Variants in DCLK2 observed in about 807,000 individuals in gnomAD.
DCLK2 encodes doublecortin like kinase 2, also known as serine/threonine-protein kinase DCLK2.
DCLK2 carries 31 observed loss-of-function variants against 78.4 expected under a neutral mutation model. That is an observed-to-expected ratio of 0.40 (90% confidence interval 0.30 to 0.53). The LOEUF (loss-of-function observed/expected upper bound fraction) is 0.53. Among genes scored for constraint, DCLK2 ranks in the 20% least tolerant of loss-of-function variants. The probability of loss-of-function intolerance (pLI) is 0.61; values close to 1 mark genes in which losing one functional copy is unlikely to be tolerated. For synonymous variants in DCLK2, 407 were observed against 374.9 expected (o/e 1.09, Z -0.99); for missense variants, 872 against 973.7 (o/e 0.90, Z 1.39).
At chr4:150,174,725 G>A (rs754002261) in intron 2 of DCLK2, among the ~76,000 whole-genome samples, 121 of 150,512 alleles carry the variant, frequency 8.0e-4, no homozygotes, top group Middle Eastern at 6.9e-3. Context: ...GGCTGGGCGC[G>A]GTGGCTCACA....
intron 7 of DCLK2, 119 bp downstream of exon 7, chr4:150,221,904 A>G (rs934371737): frequency 1.7e-6 from 1 of 602,622 alleles, no homozygotes; most frequent in Non-Finnish European, 2.7e-6. Flanking sequence ...GCCCTTCTGG[A>G]AAGTCTCTTT....
intron 2 of DCLK2, among the ~76,000 whole-genome samples, chr4:150,149,023 GT>G (rs1287589258): frequency 7.9e-6 from 1 of 125,864 alleles, no homozygotes; most frequent in Non-Finnish European, 1.7e-5. Flanking sequence ...GGGCGAAAGA[GT>G]GACAGACTGT....
At chr4:150,247,783 T>G (rs1054761796) in intron 13 of DCLK2, 84 bp downstream of exon 13, 9 of 1,063,208 alleles carry the variant, frequency 8.5e-6, no homozygotes, top group African/African-American at 1.6e-5. Flanking sequence ...CGCTAGGTAT[T>G]GCATTCCAGA....
intron 2 of DCLK2, among the ~76,000 whole-genome samples, chr4:150,165,446 T>A (rs563844666): frequency 3.4e-4 from 52 of 152,362 alleles, no homozygotes; most frequent in African/African-American, 1.2e-3. Flanking sequence ...ATTGGAAAAT[T>A]TGCTCCAATT....
At chr4:150,189,278 A>G (rs28388272) in intron 2 of DCLK2, among the ~76,000 whole-genome samples, 2,569 of 152,220 alleles carry the variant, frequency 0.017, 68 homozygotes, top group African/African-American at 0.059. Context: ...CCATTTAAGA[A>G]CCATTTATTG....
intron 2 of DCLK2, among the ~76,000 whole-genome samples, chr4:150,133,662 G>A (rs557590591): frequency 2.2e-4 from 34 of 152,348 alleles, no homozygotes; most frequent in African/African-American, 8.2e-4. Context: ...AATTAAACAT[G>A]AAATGTATAT....
chr4:150,163,917 C>T (rs1386899373), intron 2 of DCLK2, among the ~76,000 whole-genome samples: 3 of 152,164 alleles, frequency 2.0e-5, no homozygotes, highest in African/African-American at 4.8e-5. Context: ...TGGTTAAGGA[C>T]AGTACCAACC....
At chr4:150,161,578 G>C (rs551692613) in intron 2 of DCLK2, among the ~76,000 whole-genome samples, 5 of 152,254 alleles carry the variant, frequency 3.3e-5, no homozygotes, top group Non-Finnish European at 5.9e-5. Flanking sequence ...ACTCACAGAA[G>C]ATCTCTGGAA....
chr4:150,099,912 T>C (rs1270682771), intron 1 of DCLK2, among the ~76,000 whole-genome samples: 1 of 152,076 alleles, frequency 6.6e-6, no homozygotes, highest in African/African-American at 2.4e-5. Flanking sequence ...GTCTACAAGT[T>C]TGGTTTGTTT....
chr4:150,086,592 C>T (rs1483164740), intron 1 of DCLK2, among the ~76,000 whole-genome samples: 1 of 151,754 alleles, frequency 6.6e-6, no homozygotes, highest in Non-Finnish European at 1.5e-5. Context: ...CTGCAAGCTC[C>T]GCCTCCCGGG....
intron 2 of DCLK2, among the ~76,000 whole-genome samples, chr4:150,116,381 A>G (rs1441119858): frequency 6.6e-6 from 1 of 152,220 alleles, no homozygotes; most frequent in Non-Finnish European, 1.5e-5. Flanking sequence ...TGAGCCCGGC[A>G]CTGCGCCTAT....
chr4:150,214,945 G>A (rs1295138685), intron 5 of DCLK2, among the ~76,000 whole-genome samples: 1 of 132,274 alleles, frequency 7.6e-6, no homozygotes, highest in Middle Eastern at 4.5e-3. Flanking sequence ...CTGGGTGACA[G>A]AGTGTCTCAA....
chr4:150,175,999 C>T (rs189123956), intron 2 of DCLK2, among the ~76,000 whole-genome samples: 8 of 152,264 alleles, frequency 5.3e-5, no homozygotes, highest in East Asian at 1.9e-4. Context: ...GTAAGTTGCC[C>T]GAGGCAACCA....
intron 1 of DCLK2, among the ~76,000 whole-genome samples, chr4:150,082,011 AAAAG>A (rs1378391872): frequency 1.6e-4 from 25 of 151,734 alleles, no homozygotes; most frequent in African/African-American, 6.0e-4. Context: ...AAAAAAAAAA[AAAAG>A]AAAAGAAAAA....
intron 5 of DCLK2, among the ~76,000 whole-genome samples, chr4:150,205,133 T>C (rs1580713305): frequency 6.6e-6 from 1 of 152,192 alleles, no homozygotes; most frequent in African/African-American, 2.4e-5. Flanking sequence ...AATTTTTTTT[T>C]ATTAGTAAAC....
chr4:150,177,247 A>G (rs895263677), intron 2 of DCLK2, among the ~76,000 whole-genome samples: 1 of 152,104 alleles, frequency 6.6e-6, no homozygotes, highest in Admixed American at 6.5e-5. Context: ...TTTCTCTAGA[A>G]GCTTAGATAT....
chr4:150,162,621 A>AT (rs539176063), intron 2 of DCLK2, among the ~76,000 whole-genome samples: 1 of 151,582 alleles, frequency 6.6e-6, no homozygotes, highest in Admixed American at 6.6e-5. Context: ...TAAGTCTTCT[A>AT]TTTTTTTTAA....
intron 2 of DCLK2, among the ~76,000 whole-genome samples, chr4:150,139,620 A>G (rs116230789): frequency 0.011 from 1,680 of 152,326 alleles, 27 homozygotes; most frequent in African/African-American, 0.038. Context: ...GTGCTTCTGA[A>G]GCCTGAAAGG....
intron 15 of DCLK2, chr4:150,253,304 G>A (rs748387436): frequency 2.1e-5 from 14 of 665,458 alleles, no homozygotes; most frequent in Middle Eastern, 5.8e-4. Flanking sequence ...TCTGGAGGTT[G>A]AATCATCAGA....
Sources: gnomAD v4.1 joint callset for allele counts (sites outside exome capture counted in the v4.1 genomes callset) on GRCh38, gnomAD v4.1.1 for gene constraint, MANE v1.5 for transcripts, NCBI Gene and HGNC (gene_info 2026-07-23, HGNC 2026-07-21) for gene names.